The following HAPLN4 variants were observed in gnomAD, a reference collection of about 807,000 sequenced individuals.
HAPLN4 encodes the protein hyaluronan and proteoglycan link protein 4.
Under a neutral mutation model 28.0 loss-of-function variants are expected in HAPLN4, and 19 were observed. That is an observed-to-expected ratio of 0.68 (90% confidence interval 0.47 to 1.00). HAPLN4 has a LOEUF of 1.00. Among genes scored for constraint, HAPLN4 ranks in the 50% least tolerant of loss-of-function variants. The pLI, the probability that HAPLN4 is intolerant of heterozygous loss-of-function variation, is 0.00. For missense variants in HAPLN4, 587 were observed against 602.6 expected (o/e 0.97, Z 0.27); for synonymous variants, 274 against 273.0 (o/e 1.00, Z -0.03).
In HAPLN4 at chr19:19,258,386, G is replaced by A; in HGVS notation, c.817+137C>T. On this transcript the variant is annotated intron_variant, in intron 4 of 4. Transcript: ENST00000291481. This position sits in a 1 kb window ranked among gnomAD's most constrained non-coding sequence, Gnocchi z 6.2. ...CTAGGCCCAACCAGCGTTGGTACCA[G>A]GCGGTGTGTGCTGCGCCTAGGCACT... 1 of 1,106,384 alleles carries A rather than the reference G, an allele frequency of 9.0e-7. No homozygotes were observed. Among genetic ancestry groups the A allele is most frequent in the East Asian group, 2.6e-5 (1 of 38,994 alleles). The allele number at this position is 1,106,384 out of a possible 1,614,324, so 68.5% of individuals were successfully genotyped here. A position where few individuals can be genotyped will look rare whatever the true frequency, so the allele number is the denominator to read the frequency against.
At position 19,257,030 on chromosome 19, in the gene HAPLN4, G is replaced by C. The variant is rs188007566; in HGVS notation, c.*787C>G. On this transcript the variant is annotated 3_prime_UTR_variant, in exon 5 of 5. Transcript: ENST00000291481. ...GTTTGGTGACAGTTGGGAAAGGGAC[G>C]TCAGAGGACAGGGTGGGTTTGCTCT... 10 of 152,690 alleles carry C rather than the reference G, an allele frequency of 6.5e-5. No homozygotes were observed. The highest frequency in any genetic ancestry group is 1.5e-4 in the Non-Finnish European group (10 of 68,066). The allele number at this position is 152,690 out of a possible 1,614,324, so 9.5% of individuals were successfully genotyped here.
Position 19,258,447 on chromosome 19 carries a change from A to T in HAPLN4, c.817+76T>A. The T allele has an allele frequency of 6.9e-7, 1 of 1,449,280 alleles. No homozygotes were observed. Among genetic ancestry groups the T allele is most frequent in the Non-Finnish European group, 9.5e-7 (1 of 1,049,074 alleles). The allele number at this position is 1,449,280 out of a possible 1,614,324, so 89.8% of individuals were successfully genotyped here. On this transcript the variant is annotated intron_variant, in intron 4 of 4. Transcript: ENST00000291481. This position sits in a 1 kb window ranked among gnomAD's most constrained non-coding sequence, Gnocchi z 6.2. ...GGGTCTCCTGTTTCTGATCGCTAAG[A>T]GCTGGGTGGGGAAGAAGGCCCCGGG...
chr19:19,258,281 C>T lies in HAPLN4; in HGVS notation c.818-73G>A, dbSNP rs1346246208. ...CCTGCTTCGGTGGGATTCAGGACTG[C>T]CCCCCGCATGCAGCCTAGGACTCTG... is the stretch of plus-strand genomic sequence containing the variant. On this transcript the variant is annotated intron_variant, in intron 4 of 4. Coordinates refer to ENST00000291481, the MANE Select transcript of HAPLN4 (RefSeq NM_023002.3). The surrounding 1 kb of genome is among the most constrained non-coding windows in gnomAD (Gnocchi z 6.2). 3 of 1,369,684 alleles carry T rather than the reference C, an allele frequency of 2.2e-6. No individual in the cohort carries two copies. Among genetic ancestry groups the T allele is most frequent in the East Asian group, 2.5e-5 (1 of 39,432 alleles). 84.8% of individuals were successfully genotyped at this position (1,369,684 alleles called of 1,614,324 possible).
chr19:19,258,431 G>C lies in HAPLN4; in HGVS notation c.817+92C>G, dbSNP rs2060973142. 2 of 1,354,526 alleles carry C rather than the reference G, an allele frequency of 1.5e-6. No individual in the cohort carries two copies. The highest frequency in any genetic ancestry group is 2.0e-6 in the Non-Finnish European group (2 of 977,056). 83.9% of individuals were successfully genotyped at this position (1,354,526 alleles called of 1,614,324 possible). ...GGCACTCTTGGGAGAGGGGTCTCCTGTTTCTGATCGCTAAGAGCTGGGTGG... is the reference window on the plus strand; with the variant it reads ...GGCACTCTTGGGAGAGGGGTCTCCTCTTTCTGATCGCTAAGAGCTGGGTGG... On this transcript the variant is annotated intron_variant, in intron 4 of 4. Coordinates refer to ENST00000291481, the MANE Select transcript of HAPLN4 (RefSeq NM_023002.3). The surrounding 1 kb of genome is among the most constrained non-coding windows in gnomAD (Gnocchi z 6.2).
chr19:19,262,002 G>C (rs1422252606), intron 1 of HAPLN4, among the ~76,000 whole-genome samples: 2 of 152,120 alleles, frequency 1.3e-5, no homozygotes, highest in African/African-American at 4.8e-5. Flanking sequence ...CGCGGGGAGA[G>C]AACAGGGACA....
Position 19,257,936 on chromosome 19 carries a change from A to G in HAPLN4, c.1090T>C (p.Tyr364His). 2.0e-6 allele frequency: 3 copies of G among 1,514,472 alleles called. No individual in the cohort carries two copies. Among genetic ancestry groups the G allele is most frequent in the Non-Finnish European group, 2.6e-6 (3 of 1,138,552 alleles). 93.8% of individuals were successfully genotyped at this position (1,514,472 alleles called of 1,614,324 possible). Residue 364 changes from tyrosine (Y) to histidine (H), a missense_variant, in exon 5 of 5, where the codon TAC becomes CAC. Physicochemically the swap from Tyr to His is moderately conservative, Grantham distance 83 (BLOSUM62 2). Transcript: ENST00000291481. ...ATRRLFGVYC[Y>H]RAPGAPDPAP... ...GGGTCCGGTGCTCCTGGAGCGCGGT[A>G]GCAGTAGACGCCGAAGAGCCGTCGG...
Position 19,258,204 on chromosome 19 carries a change from G to A in HAPLN4, c.822C>T (p.Arg274=), listed in dbSNP as rs752042742. 18 of 1,494,848 alleles carry A rather than the reference G, an allele frequency of 1.2e-5. No homozygotes were observed. In the East Asian group the frequency reaches 3.6e-4, roughly 30 times the overall value. 92.6% of individuals were successfully genotyped at this position (1,494,848 alleles called of 1,614,324 possible). The change falls in exon 5 of 5, where the codon CGC becomes CGT. Residue 274 remains arginine (R), a synonymous_variant. Transcript: ENST00000291481. This position sits in a 1 kb window ranked among gnomAD's most constrained non-coding sequence, Gnocchi z 6.2. Reference sequence around the variant, plus strand: ...GTCGCAGCGGCTTCAGGAAGAACACGCGCCCTGCGGGGGTGAGGTGGGGGG... The same window carrying A: ...GTCGCAGCGGCTTCAGGAAGAACACACGCCCTGCGGGGGTGAGGTGGGGGG... ...AFCFTSNLPG[R]VFFLKPLRPV... is the part of the protein sequence containing the mutation.
Position 19,261,109 on chromosome 19 carries a change from G to T in HAPLN4, c.188C>A (p.Thr63Asn), listed in dbSNP as rs2060981842. The change falls in exon 3 of 5, where the codon ACC becomes AAC. Residue 63 changes from threonine to asparagine, a missense_variant. Transcript: ENST00000291481. ...PGQVVSHRGG[T>N]IVLPCRYHYE... ...GTGGTAGCGGCAGGGCAAGACGATGGTGCCACCACGGTGGCTTACCACCTG... is the reference window on the plus strand; with the variant it reads ...GTGGTAGCGGCAGGGCAAGACGATGTTGCCACCACGGTGGCTTACCACCTG... The T allele has an allele frequency of 3.7e-6, 6 of 1,611,816 alleles. No homozygotes were observed. The Admixed American group carries it at 1.0e-4, about 27-fold the overall frequency.
In HAPLN4 at chr19:19,258,035, G is replaced by A. The variant is rs760409590; in HGVS notation, c.991C>T (p.Pro331Ser). ...CAGCGCGCTCGCGGGTTCACGATGG[G>A]GTAGCGCGCACTGCCATCGGCCAGC... ...GWLADGSARY[P>S]IVNPRARCGG... The change falls in exon 5 of 5, where the codon CCC becomes TCC. Residue 331 changes from proline (P) to serine (S), a missense_variant. Transcript: ENST00000291481. The surrounding 1 kb of genome is among the most constrained non-coding windows in gnomAD (Gnocchi z 6.2). 1 of 1,543,728 alleles carries A rather than the reference G, an allele frequency of 6.5e-7. No homozygotes were observed. The highest frequency in any genetic ancestry group is 1.2e-5 in the South Asian group (1 of 85,044).
In HAPLN4 at chr19:19,260,826, C is replaced by T. The variant is rs756622584; in HGVS notation, c.471G>A (p.Lys157=). 2 of 1,609,934 alleles carry T rather than the reference C, an allele frequency of 1.2e-6. No individual in the cohort carries two copies. The highest frequency in any genetic ancestry group is 1.7e-6 in the Non-Finnish European group (2 of 1,176,588). Residue 157 remains lysine (K), a synonymous_variant, in exon 3 of 5, where the codon AAG becomes AAA. Coordinates refer to ENST00000291481, the MANE Select transcript of HAPLN4 (RefSeq NM_023002.3). ...CCGGCTGATCACCTTCCAGGTCCAG[C>T]TTGACCATGCCAGCGTCATCTTCCA... The part of the protein sequence containing the change: ...NELEDDAGMV[K]LDLEGVVFPY...
Position 19,260,959 on chromosome 19 carries a change from C to T in HAPLN4, c.338G>A (p.Arg113His), listed in dbSNP as rs1430830292. The change falls in exon 3 of 5, where the codon CGT becomes CAT. Residue 113 changes from arginine to histidine, a missense_variant. Arg to His is a conservative substitution (Grantham distance 29). Coordinates refer to ENST00000291481, the MANE Select transcript of HAPLN4 (RefSeq NM_023002.3). Reference sequence around the variant, plus strand: ...GTCGCCCTGCAGCTCAGCCCGCCCACGGTAGCTGCCGAATGCCCGGTGCTG... The same window carrying T: ...GTCGCCCTGCAGCTCAGCCCGCCCATGGTAGCTGCCGAATGCCCGGTGCTG... Reference protein sequence around the residue: ...GPQHRAFGSYRGRAELQGDGP... With the variant: ...GPQHRAFGSYHGRAELQGDGP... 1.2e-6 allele frequency: 2 copies of T among 1,613,814 alleles called. No homozygotes were observed.
At position 19,258,868 on chromosome 19, in the gene HAPLN4, G is replaced by C; in HGVS notation, c.485-13C>G. 6.6e-7 allele frequency: 1 copy of C among 1,522,794 alleles called. No homozygotes were observed. Among genetic ancestry groups the C allele is most frequent in the East Asian group, 2.3e-5 (1 of 42,652 alleles). The allele number at this position is 1,522,794 out of a possible 1,614,324, so 94.3% of individuals were successfully genotyped here. On this transcript the variant is annotated splice_polypyrimidine_tract_variant and intron_variant, in intron 3 of 4. Transcript: ENST00000291481. This position sits in a 1 kb window ranked among gnomAD's most constrained non-coding sequence, Gnocchi z 6.2. ...GGAAAGACCACGCCTGGCGGGGGGC[G>C]CACGGGATCAGCAGGTACACCCCAG...
chr19:19,258,121 T>C lies in HAPLN4; in HGVS notation c.905A>G (p.Lys302Arg). The change falls in exon 5 of 5, where the codon AAG becomes AGG. Residue 302 changes from lysine to arginine, a missense_variant. Coordinates refer to ENST00000291481, the MANE Select transcript of HAPLN4 (RefSeq NM_023002.3). The surrounding 1 kb of genome is among the most constrained non-coding windows in gnomAD (Gnocchi z 6.2). ...ACAARGAAVA[K>R]VGQLFAAWKL... Reference sequence around the variant, plus strand: ...CCACGCGGCGAACAGCTGCCCCACCTTGGCCACGGCCGCGCCACGCGCAGC... The same window carrying C: ...CCACGCGGCGAACAGCTGCCCCACCCTGGCCACGGCCGCGCCACGCGCAGC... The C allele has an allele frequency of 6.4e-7, 1 of 1,550,776 alleles. No individual in the cohort carries two copies.
chr19:19,261,472 C>T lies in HAPLN4; in HGVS notation c.95G>A (p.Gly32Asp), dbSNP rs371392706. 1 of 1,612,222 alleles carries T rather than the reference C, an allele frequency of 6.2e-7. No homozygotes were observed. The highest frequency in any genetic ancestry group is 1.7e-5 in the Admixed American group (1 of 60,002). Residue 32 changes from glycine (G) to aspartate (D), a missense_variant, in exon 2 of 5, where the codon GGC becomes GAC. Physicochemically the swap from Gly to Asp is moderately conservative, Grantham distance 94. Coordinates refer to ENST00000291481, the MANE Select transcript of HAPLN4 (RefSeq NM_023002.3). ...LLTAPAGAQR[G>D]RKKVVHVLEG... ...CAGCACGTGCACGACCTTCTTCCGGCCACGCTGCGCCCCCGCAGGGGCTGT... is the reference window on the plus strand; with the variant it reads ...CAGCACGTGCACGACCTTCTTCCGGTCACGCTGCGCCCCCGCAGGGGCTGT...
chr19:19,260,709 C>A (rs1317304731), intron 3 of HAPLN4, 104 bp downstream of exon 3: 1 of 1,434,908 alleles, frequency 7.0e-7, no homozygotes, highest in East Asian at 2.3e-5. Flanking sequence ...CCCAACCAAC[C>A]TTCTAAATGC....
In HAPLN4 at chr19:19,262,762, C is replaced by T; in HGVS notation, c.-30G>A. The T allele has an allele frequency of 6.2e-7, 1 of 1,608,388 alleles. No individual in the cohort carries two copies. Among genetic ancestry groups the T allele is most frequent in the Non-Finnish European group, 8.5e-7 (1 of 1,177,296 alleles). ...CCCGCGCGGCCCCCGCCGAGCGGCC[C>T]CTACGCACCCGGACTGCGCTCCCCG... On this transcript the variant is annotated 5_prime_UTR_variant, in exon 1 of 5. Transcript: ENST00000291481.
Position 19,258,864 on chromosome 19 carries a change from G to A in HAPLN4, c.485-9C>T. The A allele has an allele frequency of 6.5e-7, 1 of 1,528,310 alleles. No homozygotes were observed. The highest frequency in any genetic ancestry group is 1.3e-5 in the South Asian group (1 of 78,882). The allele number at this position is 1,528,310 out of a possible 1,614,324, so 94.7% of individuals were successfully genotyped here. The stretch of plus-strand genomic sequence containing the variant: ...GTAGGGAAAGACCACGCCTGGCGGG[G>A]GGCGCACGGGATCAGCAGGTACACC... On this transcript the variant is annotated splice_polypyrimidine_tract_variant and intron_variant, in intron 3 of 4. Transcript: ENST00000291481. This position sits in a 1 kb window ranked among gnomAD's most constrained non-coding sequence, Gnocchi z 6.2.
In HAPLN4 at chr19:19,261,805, C is replaced by G. The variant is rs561938831; in HGVS notation, c.4-242G>C. 6.5e-5 allele frequency: 28 copies of G among 427,622 alleles called. 1 individual carries two copies. The highest frequency in any genetic ancestry group is 3.6e-4 in the African/African-American group (17 of 47,130). The allele number at this position is 427,622 out of a possible 1,614,324, so 26.5% of individuals were successfully genotyped here. On this transcript the variant is annotated intron_variant, in intron 1 of 4. Transcript: ENST00000291481. ...GTCCTGCCCCAGATCCCGCCTCATT[C>G]CCCCCCACCCCAAAACCCGAGGCTC...
In HAPLN4 at chr19:19,258,913, C is replaced by G; in HGVS notation, c.485-58G>C. On this transcript the variant is annotated intron_variant, in intron 3 of 4. Transcript: ENST00000291481. This position sits in a 1 kb window ranked among gnomAD's most constrained non-coding sequence, Gnocchi z 6.2. Reference sequence around the variant, plus strand: ...CCCCAGCCCACCCTCATGCACCTGACGTCTGGGGTGCTATGTGACTCTTCA... The same window carrying G: ...CCCCAGCCCACCCTCATGCACCTGAGGTCTGGGGTGCTATGTGACTCTTCA... The G allele has an allele frequency of 7.4e-7, 1 of 1,351,208 alleles. No homozygotes were observed. The highest frequency in any genetic ancestry group is 9.9e-7 in the Non-Finnish European group (1 of 1,011,322). The allele number at this position is 1,351,208 out of a possible 1,614,324, so 83.7% of individuals were successfully genotyped here.
Sources: gnomAD v4.1 joint callset for allele counts (sites outside exome capture counted in the v4.1 genomes callset) on GRCh38, gnomAD v4.1.1 for gene constraint, Gnocchi (gnomAD v3.1) non-coding constraint, MANE v1.5 for transcripts, NCBI Gene and HGNC (gene_info 2026-07-23, HGNC 2026-07-21) for gene names.